The following RSKR variants were observed in gnomAD, a reference collection of about 807,000 sequenced individuals.
RSKR encodes ribosomal protein S6 kinase related.
RSKR carries 44 observed loss-of-function variants against 56.8 expected under a neutral mutation model. The observed-to-expected ratio is 0.77, with a 90% CI of 0.61 to 1.00. The LOEUF is 1.00. Among genes scored for constraint, RSKR ranks in the 50% least tolerant of loss-of-function variants. The pLI, the probability that RSKR is intolerant of heterozygous loss-of-function variation, is 0.00. For synonymous variants in RSKR, 181 were observed against 188.0 expected (o/e 0.96, Z 0.30); for missense variants, 510 against 506.9 (o/e 1.01, Z -0.06).
In RSKR at chr17:28,610,490, A is replaced by G. The variant is rs1274603256; in HGVS notation, c.1221T>C (p.Pro407=). The part of the protein sequence containing the change: ...DCDLESFLLY[P]IPA ...ACAGTAGAGAGGCTCAAGCAGGGAT[A>G]GGGTAGAGCAAGAAGGACTCCAGAT... Residue 407 remains proline, a synonymous_variant, in exon 12 of 12, where the codon CCT becomes CCC. Transcript: ENST00000301037. The G allele has an allele frequency of 4.6e-6, 7 of 1,535,904 alleles. No individual in the cohort carries two copies. Among genetic ancestry groups the G allele is most frequent in the Non-Finnish European group, 5.2e-6 (6 of 1,146,874 alleles).
rs145301596 is a variant in RSKR, at chr17:28,611,618, C to T, written c.760G>A (p.Val254Met). Residue 254 changes from valine (V) to methionine (M), a missense_variant, in exon 9 of 12, where the codon GTG becomes ATG. Coordinates refer to ENST00000301037, the MANE Select transcript of RSKR (RefSeq NM_001174103.2). ...GTGTAGGCTTGAGCTCCCTGGGGCACGTGGCGGGACAGACCAAAGTCTGTC... is the reference window on the plus strand; with the variant it reads ...GTGTAGGCTTGAGCTCCCTGGGGCATGTGGCGGGACAGACCAAAGTCTGTC... The part of the protein sequence containing the change: ...KLTDFGLSRH[V>M]PQGAQAYTIC... The T allele has an allele frequency of 7.0e-6, 11 of 1,566,382 alleles. No homozygotes were observed. The highest frequency in any genetic ancestry group is 9.5e-6 in the Non-Finnish European group (11 of 1,158,658).
chr17:28,612,732 G>A, intron 4 of RSKR, 45 bp from the exon 5 acceptor site: 3 of 1,584,052 alleles, frequency 1.9e-6, no homozygotes, highest in Non-Finnish European at 8.7e-7. Context: ...CAGGGTCATT[G>A]AGAATAAAGG....
chr17:28,611,579 G>A lies in RSKR; in HGVS notation c.799C>T (p.Leu267Phe). ...GAQAYTICGT[L>F]QYMAPEVLSG... is the part of the protein sequence containing the mutation. ...TAACCTCTCTCACCCATGTACTGAA[G>A]AGTGCCACAGATAGTGTAGGCTTGA... The change falls in exon 9 of 12, where the codon CTT becomes TTT. Residue 267 changes from leucine to phenylalanine, a missense_variant. Coordinates refer to ENST00000301037, the MANE Select transcript of RSKR (RefSeq NM_001174103.2). The A allele has an allele frequency of 1.3e-6, 2 of 1,555,452 alleles. No individual in the cohort carries two copies. Among genetic ancestry groups the A allele is most frequent in the South Asian group, 2.5e-5 (2 of 80,308 alleles).
At chr17:28,612,463 C>A in intron 5 of RSKR, 97 bp from the exon 6 acceptor site, 1 of 1,398,124 alleles carries the variant, frequency 7.2e-7, no homozygotes, top group East Asian at 2.4e-5. Flanking sequence ...GCCTCCTGCC[C>A]AAACTGATAC....
Position 28,612,643 on chromosome 17 carries a change from C to G in RSKR, c.522G>C (p.Trp174Cys). The part of the protein sequence containing the change: ...HPFVHSLGDS[W>C]QGKRHLFIMC... ...TAATGAAAAGGTGCCGTTTTCCCTG[C>G]CAGCTGTCCCCCAAGCTGTGTACAA... Residue 174 changes from tryptophan (W) to cysteine (C), a missense_variant, in exon 5 of 12, where the codon TGG becomes TGC. Transcript: ENST00000301037. 1 of 1,614,132 alleles carries G rather than the reference C, an allele frequency of 6.2e-7. No individual in the cohort carries two copies. Among genetic ancestry groups the G allele is most frequent in the African/African-American group, 1.3e-5 (1 of 75,018 alleles).
At chr17:28,613,416 C>T (rs755097580) in intron 2 of RSKR, 24 bp downstream of exon 2, 1 of 1,614,078 alleles carries the variant, frequency 6.2e-7, no homozygotes, top group African/African-American at 1.3e-5. Flanking sequence ...ACTGAGACCC[C>T]ACTCAGGGAT....
In RSKR at chr17:28,611,479, G is replaced by C; in HGVS notation, c.814C>G (p.Pro272Ala). 1 of 1,596,100 alleles carries C rather than the reference G, an allele frequency of 6.3e-7. No homozygotes were observed. Residue 272 changes from proline (P) to alanine (A), a missense_variant and splice_region_variant, in exon 10 of 12, where the codon CCA becomes GCA. Pro to Ala is a conservative substitution (Grantham distance 27). Coordinates refer to ENST00000301037, the MANE Select transcript of RSKR (RefSeq NM_001174103.2). ...TAAGGTCCTCCACTTAGGACCTCTGGGGCTACAGATTTCAAAGATACTCAT... is the reference window on the plus strand; with the variant it reads ...TAAGGTCCTCCACTTAGGACCTCTGCGGCTACAGATTTCAAAGATACTCAT... ...TICGTLQYMAPEVLSGGPYNH... is the reference protein window; with the variant it reads ...TICGTLQYMAAEVLSGGPYNH...
chr17:28,613,964 GCCTCCCTGCCCCACCC>G, intron 1 of RSKR, 107 bp downstream of exon 1: 1 of 1,301,322 alleles, frequency 7.7e-7, no homozygotes, highest in South Asian at 1.3e-5. Context: ...TCATAGTACA[GCCTCCCTGCCCCACCC>G]CCACATTGGG....
At chr17:28,611,915 T>G (rs779107551) in intron 7 of RSKR, 120 bp from the exon 8 acceptor site, 1 of 1,611,380 alleles carries the variant, frequency 6.2e-7, no homozygotes, top group African/African-American at 1.3e-5. Flanking sequence ...CAGAGAGCCC[T>G]TCCCCAAATC....
At position 28,610,670 on chromosome 17, in the gene RSKR, T is replaced by A. The variant is rs955207611; in HGVS notation, c.1041A>T (p.Leu347=). Residue 347 remains leucine, a synonymous_variant, in exon 12 of 12, where the codon CTA becomes CTT. Coordinates refer to ENST00000301037, the MANE Select transcript of RSKR (RefSeq NM_001174103.2). The part of the protein sequence containing the change: ...ELLCQNPLHR[L]RYLHHFQVHP... Reference sequence around the variant, plus strand: ...GGACCTGGAAGTGATGCAGATAACGTAGACGATGGAGGGGGTTCTGGCATA... The same window carrying A: ...GGACCTGGAAGTGATGCAGATAACGAAGACGATGGAGGGGGTTCTGGCATA... 5 of 1,535,834 alleles carry A rather than the reference T, an allele frequency of 3.3e-6. No homozygotes were observed. The Admixed American group carries it at 9.8e-5, about 30-fold the overall frequency.
At chr17:28,614,066 T>C in intron 1 of RSKR, 21 bp downstream of exon 1, 1 of 1,609,502 alleles carries the variant, frequency 6.2e-7, no homozygotes, top group Non-Finnish European at 8.5e-7. Flanking sequence ...CTCAGTAGGC[T>C]GCCAGAGCCC....
Sources: gnomAD v4.1 joint callset for allele counts on GRCh38, gnomAD v4.1.1 for gene constraint, MANE v1.5 for transcripts, NCBI Gene and HGNC (gene_info 2026-07-23, HGNC 2026-07-21) for gene names.